The following SENP7 variants were observed in gnomAD, a reference collection of about 807,000 sequenced individuals.
SENP7 encodes SUMO specific peptidase 7, also known as sentrin-specific protease 7.
Under a neutral mutation model 141.2 loss-of-function variants are expected in SENP7, and 64 were observed. The ratio of observed to expected loss-of-function variants is 0.45; its 90% CI spans 0.37 to 0.56. SENP7 has a LOEUF of 0.56. SENP7 is among the 20% of genes least tolerant of loss of function. The probability of loss-of-function intolerance (pLI) is 0.00; values close to 1 mark genes in which losing one functional copy is unlikely to be tolerated. For missense variants in SENP7, 1,025 were observed against 1,212.2 expected (o/e 0.85, Z 2.29); for synonymous variants, 382 against 426.4 (o/e 0.90, Z 1.28).
intron 2 of SENP7, 105 bp downstream of exon 2, chr3:101,500,965 T>C: frequency 2.5e-6 from 2 of 795,338 alleles, no homozygotes; most frequent in East Asian, 5.9e-5. Context: ...CTGACTAAAG[T>C]TTTATACTGT....
intron 3 of SENP7, among the ~76,000 whole-genome samples, chr3:101,491,953 G>A (rs928973552): frequency 6.6e-5 from 10 of 152,158 alleles, no homozygotes; most frequent in African/African-American, 1.4e-4. Flanking sequence ...TTAGCCGGGC[G>A]TGGTGGCACA....
chr3:101,484,629 T>C (rs2064647354), intron 3 of SENP7, among the ~76,000 whole-genome samples: 1 of 152,046 alleles, frequency 6.6e-6, no homozygotes, highest in Admixed American at 6.6e-5. Flanking sequence ...AAGCTGAAGG[T>C]CTGTTTGCGG....
At chr3:101,364,756 C>T (rs1559721981) in intron 10 of SENP7, 78 bp downstream of exon 10, 1 of 1,053,196 alleles carries the variant, frequency 9.5e-7, no homozygotes, top group South Asian at 1.9e-5. Context: ...CAATATTCAG[C>T]TTGATAAAAC....
At chr3:101,446,782 A>C (rs2062913831) in intron 4 of SENP7, among the ~76,000 whole-genome samples, 1 of 152,204 alleles carries the variant, frequency 6.6e-6, no homozygotes, top group Non-Finnish European at 1.5e-5. Context: ...TGAGAGAGAA[A>C]TGCACAGCAA....
At chr3:101,352,581 T>A (rs1031846884) in intron 11 of SENP7, among the ~76,000 whole-genome samples, 1 of 152,066 alleles carries the variant, frequency 6.6e-6, no homozygotes, top group African/African-American at 2.4e-5. Flanking sequence ...TAGCTAAATC[T>A]TACATGTACT....
At chr3:101,499,695 C>G (rs2065299535) in intron 2 of SENP7, among the ~76,000 whole-genome samples, 1 of 152,128 alleles carries the variant, frequency 6.6e-6, no homozygotes, top group African/African-American at 2.4e-5. Context: ...GCCACCACAC[C>G]CCGCTAATTT....
chr3:101,474,944 C>A (rs1185379931), intron 3 of SENP7, among the ~76,000 whole-genome samples: 1 of 152,122 alleles, frequency 6.6e-6, no homozygotes, highest in African/African-American at 2.4e-5. Flanking sequence ...AGATAAAACA[C>A]AAGACCCAAC....
intron 13 of SENP7, among the ~76,000 whole-genome samples, chr3:101,346,822 T>A (rs2059468121): frequency 6.6e-6 from 1 of 152,006 alleles, no homozygotes; most frequent in Admixed American, 6.6e-5. Context: ...CTGCTCGGGT[T>A]ATGGGTGCAC....
At chr3:101,354,820 T>C (rs1272764974) in intron 11 of SENP7, among the ~76,000 whole-genome samples, 1 of 152,164 alleles carries the variant, frequency 6.6e-6, no homozygotes, top group Non-Finnish European at 1.5e-5. Context: ...CCACATTACT[T>C]TCCACAATGA....
intron 3 of SENP7, among the ~76,000 whole-genome samples, chr3:101,490,483 A>G (rs1391817595): frequency 1.3e-5 from 2 of 152,162 alleles, no homozygotes; most frequent in Admixed American, 6.5e-5. Context: ...GGTACAAGCA[A>G]CAGAAGAGGA....
At chr3:101,454,336 A>C (rs2063269629) in intron 4 of SENP7, among the ~76,000 whole-genome samples, 1 of 152,066 alleles carries the variant, frequency 6.6e-6, no homozygotes, top group Non-Finnish European at 1.5e-5. Context: ...ACATAACAAA[A>C]CCTCAAATAT....
chr3:101,343,962 A>G lies in SENP7; in HGVS notation c.1838-8T>C, dbSNP rs1426186701. The G allele has an allele frequency of 1.3e-6, 2 of 1,515,050 alleles. No individual in the cohort carries two copies. Among genetic ancestry groups the G allele is most frequent in the Non-Finnish European group, 1.8e-6 (2 of 1,120,678 alleles). The allele number at this position is 1,515,050 out of a possible 1,614,324, so 93.9% of individuals were successfully genotyped here. The stretch of plus-strand genomic sequence containing the variant: ...TGAATTCACTAGATTTTGCTACAAA[A>G]GGAAAAAATAATTTGTATCAATAGT... On this transcript the variant is annotated splice_region_variant and splice_polypyrimidine_tract_variant and intron_variant, in intron 13 of 23. Transcript: ENST00000394095.
At chr3:101,360,431 ATAATG>A (rs2059864814) in intron 11 of SENP7, among the ~76,000 whole-genome samples, 1 of 152,212 alleles carries the variant, frequency 6.6e-6, no homozygotes, top group African/African-American at 2.4e-5. Context: ...ATATTTTACC[ATAATG>A]TAAAGTAAAT....
In SENP7 at chr3:101,332,975, TTAAGATA is replaced by T. The variant is rs1265753515; in HGVS notation, c.2481-120_2481-114del. 5.8e-6 allele frequency: 6 copies of T among 1,031,038 alleles called. No individual in the cohort carries two copies. In the African/African-American group the frequency reaches 1.0e-4, roughly 17 times the overall value. The allele number at this position is 1,031,038 out of a possible 1,614,324, so 63.9% of individuals were successfully genotyped here. A position where few individuals can be genotyped will look rare whatever the true frequency, so the allele number is the denominator to read the frequency against. ...CTTAAATTTAGTTTAACCATCTTCT[TTAAGATA>T]TATCATATTTAACACATTATAAATA... is the stretch of plus-strand genomic sequence containing the variant. On this transcript the variant is annotated intron_variant, in intron 17 of 23. Transcript: ENST00000394095.
intron 3 of SENP7, among the ~76,000 whole-genome samples, chr3:101,478,508 G>C (rs1310907002): frequency 6.6e-6 from 1 of 152,122 alleles, no homozygotes; most frequent in African/African-American, 2.4e-5. Context: ...CTGGACAACA[G>C]AGCAAGACCC....
chr3:101,417,980 T>G (rs2061676408), intron 4 of SENP7, among the ~76,000 whole-genome samples, 190 bp from the exon 5 acceptor site: 1 of 152,154 alleles, frequency 6.6e-6, no homozygotes, highest in Admixed American at 6.5e-5. Flanking sequence ...CTATTTCACT[T>G]AAGTTGGGAT....
intron 6 of SENP7, among the ~76,000 whole-genome samples, chr3:101,375,694 A>G (rs1488416573): frequency 6.6e-6 from 1 of 152,208 alleles, no homozygotes; most frequent in African/African-American, 2.4e-5. Flanking sequence ...CACTATTCAC[A>G]ATAGCCAAAA....
At chr3:101,394,595 C>G (rs2060912187) in intron 6 of SENP7, among the ~76,000 whole-genome samples, 1 of 151,976 alleles carries the variant, frequency 6.6e-6, no homozygotes, top group African/African-American at 2.4e-5. Context: ...CCACTGTAAG[C>G]TCCGCCTCCC....
Position 101,328,551 on chromosome 3 carries a change from G to A in SENP7, c.2796-5C>T. The A allele has an allele frequency of 6.2e-7, 1 of 1,611,724 alleles. No individual in the cohort carries two copies. Among genetic ancestry groups the A allele is most frequent in the Non-Finnish European group, 8.5e-7 (1 of 1,178,346 alleles). On this transcript the variant is annotated splice_region_variant and splice_polypyrimidine_tract_variant and intron_variant, in intron 21 of 23. Coordinates refer to ENST00000394095, the MANE Select transcript of SENP7 (RefSeq NM_020654.5). ...TCTAGTATAAGAATACATGGCCTAT[G>A]AAAAGCAAAGGACAAAATCAAGATT...
Sources: gnomAD v4.1 joint callset for allele counts (sites outside exome capture counted in the v4.1 genomes callset) on GRCh38, gnomAD v4.1.1 for gene constraint, MANE v1.5 for transcripts, NCBI Gene and HGNC (gene_info 2026-07-23, HGNC 2026-07-21) for gene names.